The following LRRC7 variants were observed in gnomAD, a reference collection of about 807,000 sequenced individuals.
The protein encoded by LRRC7 is leucine-rich repeat-containing protein 7.
In LRRC7, 23 loss-of-function variants were observed where a neutral mutation model predicts 175.7. The observed-to-expected ratio is 0.13, with a 90% confidence interval of 0.09 to 0.19. The LOEUF (loss-of-function observed/expected upper bound fraction) is 0.19. Ranked by LOEUF, LRRC7 falls within the 10% of genes least tolerant of loss-of-function variation. The pLI, the probability that LRRC7 is intolerant of heterozygous loss-of-function variation, is 1.00. For missense variants in LRRC7, 1,354 were observed against 1,904.7 expected, an observed-to-expected ratio of 0.71 and a Z score of 5.38; for synonymous variants, 685 against 680.9, an observed-to-expected ratio of 1.01 and a Z score of -0.09.
intron 2 of LRRC7, among the ~76,000 whole-genome samples, chr1:69,741,430 G>C (rs371910597): frequency 6.6e-6 from 1 of 151,678 alleles, no homozygotes; most frequent in African/African-American, 2.4e-5. Flanking sequence ...GAAATAGTAA[G>C]AGCAGGAAAA....
rs557711033 is a variant in LRRC7 at position 69,910,115 on chromosome 1, T to G, written c.648-21392T>G. 5.3e-5 allele frequency among the ~76,000 whole-genome samples: 8 copies of G among 152,296 alleles called. No individual in the cohort carries two copies. In the South Asian group the frequency reaches 6.2e-4, roughly 12 times the overall value. ...CGTAGTTCTCGAGCCTTGGCTTTCA[T>G]CTCCATCAGCTCCTTTAAGGACTTC... On this transcript the variant is annotated intron_variant, in intron 7 of 26. Transcript: ENST00000651989.
rs1656976089 is a variant in LRRC7, at chr1:70,016,516, G to A, written c.1302G>A (p.Leu434=). 6.3e-7 allele frequency: 1 copy of A among 1,581,262 alleles called. No individual in the cohort carries two copies. Among genetic ancestry groups the A allele is most frequent in the Non-Finnish European group, 8.6e-7 (1 of 1,165,440 alleles). ...CCAAACTTAAAGAGCTTGCAGCTTT[G>A]TGGCTTTCTGACAATCAGGTAAAAG... The part of the protein sequence containing the change: ...SFTKLKELAA[L]WLSDNQSKAL... The change falls in exon 14 of 27, where the codon TTG becomes TTA. Residue 434 remains leucine (L), a synonymous_variant. Transcript: ENST00000651989.
rs368743140 is a variant in LRRC7 at position 69,893,476 on chromosome 1, ATT to A, written c.648-38027_648-38026del. Among the ~76,000 whole-genome samples the A allele has an allele frequency of 5.9e-5, 9 of 152,312 alleles. No homozygotes were observed. In the East Asian group the frequency reaches 1.7e-3, roughly 29 times the overall value. ...GTCATTTGGTATGGATAATACACTA[ATT>A]TTTGTTTCAGCTTATGCTATGTATT... On this transcript the variant is annotated intron_variant, in intron 7 of 26. Transcript: ENST00000651989.
Position 69,980,428 on chromosome 1 carries a change from A to T in LRRC7, c.761A>T (p.Asn254Ile). The stretch of plus-strand genomic sequence containing the variant: ...AATTTGAGGGAGTTATGGATGGATA[A>T]TAATGCATTACAAGTGTTACCTGGG... ...IQNLRELWMD[N>I]NALQVLPGSI... The change falls in exon 9 of 27, where the codon AAT (asparagine) becomes ATT (isoleucine). Residue 254 changes from asparagine (N) to isoleucine (I), a missense_variant. Transcript: ENST00000651989. 6.2e-7 allele frequency: 1 copy of T among 1,612,494 alleles called. No individual in the cohort carries two copies. Among genetic ancestry groups the T allele is most frequent in the Non-Finnish European group, 8.5e-7 (1 of 1,179,044 alleles).
intron 25 of LRRC7, among the ~76,000 whole-genome samples, chr1:70,100,269 T>A (rs1322269417): frequency 1.3e-5 from 2 of 152,152 alleles, no homozygotes; most frequent in South Asian, 4.1e-4. Flanking sequence ...TATATATCAT[T>A]TCTAAAAGCA....
chr1:69,889,571 C>G (rs1401682787), intron 7 of LRRC7, among the ~76,000 whole-genome samples: 3 of 152,168 alleles, frequency 2.0e-5, no homozygotes, highest in African/African-American at 7.2e-5. Flanking sequence ...CTATGGGAGG[C>G]TAAAGCAGGT....
Position 70,130,104 on chromosome 1 carries a change from T to C in LRRC7, c.*8217T>C, listed in dbSNP as rs1370852096. The C allele has an allele frequency of 4.6e-5, 7 of 152,188 alleles. No homozygotes were observed. Among genetic ancestry groups the C allele is most frequent in the Admixed American group, 4.6e-4 (7 of 15,278 alleles). The allele number at this position is 152,188 out of a possible 1,614,324, so 9.4% of individuals were successfully genotyped here. On this transcript the variant is annotated 3_prime_UTR_variant, in exon 27 of 27. Coordinates refer to ENST00000651989, the MANE Select transcript of LRRC7 (RefSeq NM_001370785.2). ...AATTTCTGTACTCAGCACTACCATA[T>C]TAATTTTTTCTTATGTTTTTTAGTA...
chr1:69,721,768 T>G (rs1570507291), intron 2 of LRRC7, among the ~76,000 whole-genome samples: 1 of 152,016 alleles, frequency 6.6e-6, no homozygotes, highest in South Asian at 2.1e-4. Flanking sequence ...CTTACATTTC[T>G]CAAAGGATAT....
chr1:69,679,640 A>G (rs1660223962), intron 2 of LRRC7, among the ~76,000 whole-genome samples: 1 of 152,104 alleles, frequency 6.6e-6, no homozygotes, highest in Non-Finnish European at 1.5e-5. Flanking sequence ...TCTTGCATAA[A>G]AGTATTGCGT....
intron 10 of LRRC7, among the ~76,000 whole-genome samples, chr1:69,994,305 G>T (rs539544333): frequency 6.6e-6 from 1 of 152,152 alleles, no homozygotes; most frequent in Non-Finnish European, 1.5e-5. Flanking sequence ...CAACTGGGGT[G>T]TATGTGGAGC....
intron 18 of LRRC7, among the ~76,000 whole-genome samples, chr1:70,032,497 C>T (rs945491936): frequency 6.6e-6 from 1 of 152,140 alleles, no homozygotes; most frequent in African/African-American, 2.4e-5. Flanking sequence ...ATAATTCCCT[C>T]TTCTTTTTCA....
rs143702059 is a variant in LRRC7 at position 70,130,447 on chromosome 1, C to G, written c.*8560C>G. On this transcript the variant is annotated 3_prime_UTR_variant, in exon 27 of 27. Transcript: ENST00000651989. ...AGTTTGTGTAACCTTAAACTACCAA[C>G]CTTTCATCTTCTCAGTTGACTCAAA... Among the ~76,000 whole-genome samples the G allele has an allele frequency of 1.3e-3, 204 of 152,296 alleles. 1 individual carries two copies. Among genetic ancestry groups the G allele is most frequent in the African/African-American group, 4.7e-3 (196 of 41,558 alleles).
At chr1:69,914,909 C>T (rs1412396376) in intron 7 of LRRC7, among the ~76,000 whole-genome samples, 1 of 152,036 alleles carries the variant, frequency 6.6e-6, no homozygotes, top group African/African-American at 2.4e-5. Context: ...AGAATGTTTG[C>T]TGACTCCTGG....
intron 16 of LRRC7, 106 bp downstream of exon 16, chr1:70,021,235 C>A: frequency 9.3e-7 from 1 of 1,069,636 alleles, no homozygotes; most frequent in Non-Finnish European, 1.4e-6. Flanking sequence ...TTCTTCAAGT[C>A]TCATGGCGGT....
chr1:69,718,626 T>A (rs1557644361), intron 2 of LRRC7, among the ~76,000 whole-genome samples: 1 of 151,476 alleles, frequency 6.6e-6, no homozygotes, highest in Non-Finnish European at 1.5e-5. Context: ...ATGTACTGAG[T>A]GAAAAGGAAA....
chr1:70,114,563 G>C lies in LRRC7; in HGVS notation c.4620+6737G>C, dbSNP rs541035290. Among the ~76,000 whole-genome samples the C allele has an allele frequency of 4.9e-4, 74 of 152,170 alleles. 1 individual carries two copies. Among genetic ancestry groups the C allele is most frequent in the African/African-American group, 1.8e-3 (73 of 41,520 alleles). Reference sequence around the variant, plus strand: ...ATTAGCCAGGCGTGATGGCACACATGTGTAATTCCAGCTACTCAAGAGGCT... The same window carrying C: ...ATTAGCCAGGCGTGATGGCACACATCTGTAATTCCAGCTACTCAAGAGGCT... On this transcript the variant is annotated intron_variant, in intron 26 of 26. Transcript: ENST00000651989.
intron 7 of LRRC7, among the ~76,000 whole-genome samples, chr1:69,850,279 C>A (rs2101454998): frequency 6.6e-6 from 1 of 152,034 alleles, no homozygotes; most frequent in South Asian, 2.1e-4. Flanking sequence ...AGCACAAGGC[C>A]AGAGTAGTTG....
chr1:69,818,717 G>T (rs777051162), intron 4 of LRRC7, among the ~76,000 whole-genome samples: 1 of 152,112 alleles, frequency 6.6e-6, no homozygotes, highest in Non-Finnish European at 1.5e-5. Flanking sequence ...TCACAGTGAA[G>T]TCATAGGGTA....
intron 23 of LRRC7, among the ~76,000 whole-genome samples, chr1:70,068,574 A>G (rs1419401072): frequency 6.6e-6 from 1 of 150,578 alleles, no homozygotes; most frequent in Non-Finnish European, 1.5e-5. Context: ...TTTCTTCCCT[A>G]CTTCCTTCCT....
Sources: gnomAD v4.1 joint callset for allele counts (sites outside exome capture counted in the v4.1 genomes callset) on GRCh38, gnomAD v4.1.1 for gene constraint, MANE v1.5 for transcripts, NCBI Gene and HGNC (gene_info 2026-07-23, HGNC 2026-07-21) for gene names.